CHRM3: variants seen among roughly 807,000 people sequenced by gnomAD.
The protein encoded by CHRM3 is cholinergic receptor muscarinic 3, also known as muscarinic acetylcholine receptor M3.
A neutral mutation model predicts 41.8 loss-of-function variants in CHRM3; 11 were observed. That is an observed-to-expected ratio of 0.26 (90% CI 0.17 to 0.44). The LOEUF is 0.44. Ranked by LOEUF, CHRM3 falls within the 20% of genes least tolerant of loss-of-function variation. The pLI is 1.00. For synonymous variants in CHRM3, 297 were observed against 301.4 expected (o/e 0.99, Z 0.15); for missense variants, 571 against 745.4 (o/e 0.77, Z 2.72).
intron 1 of CHRM3, among the ~76,000 whole-genome samples, chr1:239,426,389 A>C (rs924129540): frequency 1.3e-5 from 2 of 151,370 alleles, no homozygotes; most frequent in South Asian, 4.2e-4. Flanking sequence ...AAATGCTACA[A>C]ATCAAGGCTT....
intron 5 of CHRM3, among the ~76,000 whole-genome samples, chr1:239,687,919 A>C (rs1659306177): frequency 6.6e-6 from 1 of 152,120 alleles, no homozygotes. Flanking sequence ...ACAATAATGA[A>C]ATTACCTAAT....
intron 1 of CHRM3, among the ~76,000 whole-genome samples, chr1:239,445,261 A>G (rs1176266696): frequency 6.6e-6 from 1 of 152,204 alleles, no homozygotes; most frequent in Non-Finnish European, 1.5e-5. Context: ...AGCTCATACC[A>G]GGAGCCAGGT....
At chr1:239,577,420 G>A (rs969201112) in intron 3 of CHRM3, among the ~76,000 whole-genome samples, 7 of 152,080 alleles carry the variant, frequency 4.6e-5, no homozygotes, top group Admixed American at 6.6e-5. Flanking sequence ...TTGAAAATAC[G>A]TAATGACTGA....
At position 239,405,366 on chromosome 1, in the gene CHRM3, G is replaced by A. The variant is rs569670724; in HGVS notation, c.-521+18139G>A. Among the ~76,000 whole-genome samples the A allele has an allele frequency of 5.3e-5, 8 of 152,156 alleles. No individual in the cohort carries two copies. In the South Asian group the frequency reaches 8.3e-4, roughly 16 times the overall value. On this transcript the variant is annotated intron_variant, in intron 1 of 6. Coordinates refer to ENST00000676153, the MANE Select transcript of CHRM3 (RefSeq NM_001375978.1). ...GTCAGGCAGGGTTCTAAGTGCTGGG[G>A]ATGAAAAGATGAATAAGCAGGACAA...
rs78596576 is a variant in CHRM3, at chr1:239,465,756, C to T, written c.-520-26953C>T. 1.5e-3 allele frequency among the ~76,000 whole-genome samples: 236 copies of T among 152,266 alleles called. 1 individual carries two copies. Among genetic ancestry groups the T allele is most frequent in the Admixed American group, 2.4e-3 (36 of 15,298 alleles). On this transcript the variant is annotated intron_variant, in intron 1 of 6. Transcript: ENST00000676153. ...CTAAAGCCTCCAGTCGACCCTTGAA[C>T]AACGTGGGTTTGAACTGCGTGGGTT...
intron 1 of CHRM3, among the ~76,000 whole-genome samples, chr1:239,407,417 T>TATAGAGAGAGAGAG: frequency 1.5e-5 from 2 of 134,144 alleles, no homozygotes; most frequent in African/African-American, 2.5e-5. Flanking sequence ...TATATATATA[T>TATAGAGAGAGAGAG]AGAGAGAGAG....
Position 239,547,882 on chromosome 1 carries a change from C to CA in CHRM3, c.-313+2141dup, listed in dbSNP as rs147999012. Among the ~76,000 whole-genome samples, 1,437 of 149,840 alleles carry CA rather than the reference C, an allele frequency of 9.6e-3. 28 individuals carry two copies. The highest frequency in any genetic ancestry group is 0.033 in the African/African-American group (1,342 of 40,928). ...GCTTGAGTATGGAATACTGAAATGA[C>CA]AAAAAAAAGTGGTTTATTAGGCCGA... On this transcript the variant is annotated intron_variant, in intron 3 of 6. Transcript: ENST00000676153.
chr1:239,452,977 T>G (rs966720289), intron 1 of CHRM3, among the ~76,000 whole-genome samples: 1 of 152,024 alleles, frequency 6.6e-6, no homozygotes, highest in African/African-American at 2.4e-5. Context: ...ATTTTTTGTA[T>G]TTTTAGTAGA....
At chr1:239,758,879 T>A (rs1201484875) in intron 5 of CHRM3, among the ~76,000 whole-genome samples, 13 of 152,140 alleles carry the variant, frequency 8.5e-5, no homozygotes, top group Admixed American at 8.5e-4. Flanking sequence ...GTCACAGAAA[T>A]GTAAGTGAGA....
At chr1:239,522,035 C>CT (rs1160152322) in intron 2 of CHRM3, among the ~76,000 whole-genome samples, 7 of 112,556 alleles carry the variant, frequency 6.2e-5, no homozygotes, top group African/African-American at 2.1e-4. Context: ...CTTTTCTTTT[C>CT]TTTTCTTTTT....
chr1:239,700,152 T>C (rs1660553508), intron 5 of CHRM3, among the ~76,000 whole-genome samples: 1 of 152,174 alleles, frequency 6.6e-6, no homozygotes, highest in African/African-American at 2.4e-5. Flanking sequence ...TCTTTGCTCA[T>C]CAACTTGTAT....
rs1658289021 is a variant in CHRM3 at position 239,679,027 on chromosome 1, G to GGATAGATGGATAGATAGATA, written c.-147+746_-147+747insGGATAGATAGATAGATAGAT. 3.4e-5 allele frequency among the ~76,000 whole-genome samples: 5 copies of GGATAGATGGATAGATAGATA among 148,780 alleles called. No homozygotes were observed. The South Asian group carries it at 8.6e-4, about 26-fold the overall frequency. ...ATGTAACATAGATAGGTAGATAGATGGATAGATAGATAGATAGATAGATAG... is the reference window on the plus strand; with the variant it reads ...ATGTAACATAGATAGGTAGATAGATGGATAGATGGATAGATAGATAGATAGATAGATAGATAGATAGATAG... On this transcript the variant is annotated intron_variant, in intron 5 of 6. Coordinates refer to ENST00000676153, the MANE Select transcript of CHRM3 (RefSeq NM_001375978.1).
chr1:239,570,159 GT>G (rs1179234375), intron 3 of CHRM3, among the ~76,000 whole-genome samples: 1 of 152,160 alleles, frequency 6.6e-6, no homozygotes, highest in Non-Finnish European at 1.5e-5. Context: ...CATGGGGGCA[GT>G]TCCCCCATGC....
chr1:239,411,449 G>C (rs57533762), intron 1 of CHRM3, among the ~76,000 whole-genome samples: 36 of 152,160 alleles, frequency 2.4e-4, no homozygotes, highest in Non-Finnish European at 4.7e-4. Context: ...GTTGTGGACC[G>C]GGCGTGGTGG....
chr1:239,863,713 G>C (rs1206963828), intron 6 of CHRM3, among the ~76,000 whole-genome samples: 1 of 151,560 alleles, frequency 6.6e-6, no homozygotes. Context: ...GAAAGAAGGT[G>C]GGGGGAAGAG....
At chr1:239,804,442 A>G (rs745862308) in intron 5 of CHRM3, among the ~76,000 whole-genome samples, 6 of 152,070 alleles carry the variant, frequency 3.9e-5, no homozygotes, top group Non-Finnish European at 4.4e-5. Flanking sequence ...TTCTCTTGGG[A>G]AATTTTTTAA....
chr1:239,746,483 A>G (rs190987992), intron 5 of CHRM3, among the ~76,000 whole-genome samples: 185 of 152,320 alleles, frequency 1.2e-3, no homozygotes, highest in African/African-American at 4.2e-3. Context: ...TTATGAGAAG[A>G]TATACTTGAT....
intron 1 of CHRM3, among the ~76,000 whole-genome samples, chr1:239,407,339 T>G (rs1159905567): frequency 1.3e-5 from 2 of 151,380 alleles, no homozygotes; most frequent in African/African-American, 4.8e-5. Context: ...AAATATATAT[T>G]TATTTTTTCA....
intron 6 of CHRM3, among the ~76,000 whole-genome samples, chr1:239,851,503 G>C (rs1674693605): frequency 1.3e-5 from 2 of 152,148 alleles, no homozygotes; most frequent in Admixed American, 6.5e-5. Flanking sequence ...AGAAGCTGTT[G>C]CATATAATGC....
Sources: allele counts gnomAD v4.1 joint callset (sites outside exome capture counted in the v4.1 genomes callset), GRCh38; gene constraint gnomAD v4.1.1; transcripts MANE v1.5; gene names NCBI Gene and HGNC (gene_info 2026-07-23, HGNC 2026-07-21).